HACD1: variants seen among roughly 807,000 people sequenced by gnomAD.
The protein encoded by HACD1 is very-long-chain (3R)-3-hydroxyacyl-CoA dehydratase 1.
Under a neutral mutation model 32.0 loss-of-function variants are expected in HACD1, and 41 were observed. That is an observed-to-expected ratio of 1.28 (90% CI 1.00 to 1.66). The LOEUF is 1.66. HACD1 is among the 40% of genes most tolerant of loss of function. HACD1 has a pLI of 0.00. For synonymous variants in HACD1, 142 were observed against 139.0 expected (o/e 1.02, Z -0.15); for missense variants, 396 against 380.1 (o/e 1.04, Z -0.35).
At chr10:17,610,373 G>A (rs2131520212) in intron 1 of HACD1, among the ~76,000 whole-genome samples, 1 of 152,296 alleles carries the variant, frequency 6.6e-6, no homozygotes, top group South Asian at 2.1e-4. Flanking sequence ...TTTAGGCCAG[G>A]CGCAGTGGCT....
chr10:17,614,571 T>C (rs1395457008), intron 1 of HACD1, among the ~76,000 whole-genome samples: 1 of 151,436 alleles, frequency 6.6e-6, no homozygotes. Context: ...TCAAATTAGC[T>C]GAGGATGGTG....
At chr10:17,594,469 A>G (rs1833969208) in intron 5 of HACD1, 86 bp from the exon 6 acceptor site, 3 of 1,039,064 alleles carry the variant, frequency 2.9e-6, no homozygotes, top group Non-Finnish European at 3.9e-6. Context: ...TACTAAATTT[A>G]AACTTCAAAA....
At chr10:17,616,526 C>A (rs991649246) in intron 1 of HACD1, among the ~76,000 whole-genome samples, 10 of 151,840 alleles carry the variant, frequency 6.6e-5, no homozygotes, top group Admixed American at 3.9e-4. Context: ...CAAGGTCCAG[C>A]TTATCAGCCA....
chr10:17,605,039 G>T (rs1340955002), intron 1 of HACD1, among the ~76,000 whole-genome samples: 2 of 152,022 alleles, frequency 1.3e-5, no homozygotes, highest in African/African-American at 4.8e-5. Flanking sequence ...GTATACACAG[G>T]GTAGTCAAAT....
chr10:17,590,423 T>C lies in HACD1; in HGVS notation c.808A>G (p.Met270Val), dbSNP rs1554815474. Residue 270 changes from methionine to valine, a missense_variant, in exon 7 of 7, where the codon ATG becomes GTG. Coordinates refer to ENST00000361271, the MANE Select transcript of HACD1 (RefSeq NM_014241.4). ...IPLFPQLYFH[M>V]LRQRRKVLHG... ...AGCACCTTTCTTCTTTGACGTAACA[T>C]ATGAAAATAGAGTTGTGGAAACACT... 6 of 1,597,930 alleles carry C rather than the reference T, an allele frequency of 3.8e-6. No individual in the cohort carries two copies. Among genetic ancestry groups the C allele is most frequent in the South Asian group, 1.1e-5 (1 of 89,268 alleles).
At chr10:17,604,634 GT>G (rs1321291695) in intron 1 of HACD1, among the ~76,000 whole-genome samples, 1 of 151,664 alleles carries the variant, frequency 6.6e-6, no homozygotes, top group Non-Finnish European at 1.5e-5. Context: ...GACTAATACT[GT>G]ATGATCATTT....
intron 2 of HACD1, 27 bp downstream of exon 2, chr10:17,603,903 A>G (rs781966511): frequency 6.5e-7 from 1 of 1,545,306 alleles, no homozygotes; most frequent in Non-Finnish European, 8.9e-7. Context: ...TTACAGCAAT[A>G]GAAAAACAGC....
chr10:17,604,974 G>A (rs1166437265), intron 1 of HACD1, among the ~76,000 whole-genome samples: 1 of 152,122 alleles, frequency 6.6e-6, no homozygotes, highest in African/African-American at 2.4e-5. Context: ...CCAAAGTGCT[G>A]GGATTACATG....
At position 17,589,657 on chromosome 10, in the gene HACD1, C is replaced by T. The variant is rs886244041; in HGVS notation, c.*707G>A. ...AGTGGGGCAAATACTTATGCTCTTC[C>T]TAACCCCTTAAAACCTTCACAGTTG... On this transcript the variant is annotated 3_prime_UTR_variant, in exon 7 of 7. Coordinates refer to ENST00000361271, the MANE Select transcript of HACD1 (RefSeq NM_014241.4). 4 of 152,078 alleles carry T rather than the reference C, an allele frequency of 2.6e-5. No homozygotes were observed. The highest frequency in any genetic ancestry group is 9.7e-5 in the African/African-American group (4 of 41,404). 9.4% of individuals were successfully genotyped at this position (152,078 alleles called of 1,614,324 possible). A position where few individuals can be genotyped will look rare whatever the true frequency, so the allele number is the denominator to read the frequency against.
rs559762401 is a variant in HACD1, at chr10:17,604,009, A to G, written c.296T>C (p.Met99Thr). Residue 99 changes from methionine to threonine, a missense_variant, in exon 2 of 7, where the codon ATG becomes ACG. Coordinates refer to ENST00000361271, the MANE Select transcript of HACD1 (RefSeq NM_014241.4). ...VLAIAMVRFY[M>T]EKGTHRGLYK... ...TAAACCTCTGTGTGTTCCTTTTTCC[A>G]TATAAAAACGTACCATGGCAATAGC... is the stretch of plus-strand genomic sequence containing the variant. 3.1e-6 allele frequency: 5 copies of G among 1,600,046 alleles called. No homozygotes were observed. The highest frequency in any genetic ancestry group is 2.3e-5 in the South Asian group (2 of 87,088).
At chr10:17,603,354 C>T in intron 4 of HACD1, 1 of 493,642 alleles carries the variant, frequency 2.0e-6, no homozygotes, top group Non-Finnish European at 3.6e-6. Context: ...TATTACGGAT[C>T]TAAGATGCCA....
At chr10:17,593,192 T>A (rs1833950933) in intron 6 of HACD1, among the ~76,000 whole-genome samples, 1 of 152,072 alleles carries the variant, frequency 6.6e-6, no homozygotes. Context: ...AAAAAAAAGT[T>A]GGAGACCTCA....
chr10:17,590,242 G>A lies in HACD1; in HGVS notation c.*122C>T. 1.2e-5 allele frequency: 8 copies of A among 674,550 alleles called. No individual in the cohort carries two copies. The highest frequency in any genetic ancestry group is 1.7e-5 in the Non-Finnish European group (7 of 410,716). The allele number at this position is 674,550 out of a possible 1,614,324, so 41.8% of individuals were successfully genotyped here. ...TACTGGCAAATACCACGTGTCTCAA[G>A]TTATATTTTAAGAAACCATACAATC... On this transcript the variant is annotated 3_prime_UTR_variant, in exon 7 of 7. Transcript: ENST00000361271.
chr10:17,613,142 G>GTTT (rs782364702), intron 1 of HACD1, among the ~76,000 whole-genome samples: 17 of 96,588 alleles, frequency 1.8e-4, no homozygotes, highest in African/African-American at 5.4e-4. Flanking sequence ...GTGTGTGTGT[G>GTTT]TGTGTTTTGT....
At chr10:17,607,770 A>G (rs1295330900) in intron 1 of HACD1, among the ~76,000 whole-genome samples, 1 of 152,182 alleles carries the variant, frequency 6.6e-6, no homozygotes, top group Non-Finnish European at 1.5e-5. Context: ...TGACAGGCTC[A>G]GGGATTTGAA....
chr10:17,593,126 C>T (rs1366706240), intron 6 of HACD1, among the ~76,000 whole-genome samples: 7 of 151,886 alleles, frequency 4.6e-5, no homozygotes, highest in Non-Finnish European at 8.8e-5. Flanking sequence ...GCTGAGATGG[C>T]GCCACTGCAC....
chr10:17,589,548 C>T lies in HACD1; in HGVS notation c.*816G>A, dbSNP rs1444062567. 1.3e-5 allele frequency: 2 copies of T among 152,144 alleles called. No homozygotes were observed. The highest frequency in any genetic ancestry group is 4.8e-5 in the African/African-American group (2 of 41,422). 9.4% of individuals were successfully genotyped at this position (152,144 alleles called of 1,614,324 possible). A position where few individuals can be genotyped will look rare whatever the true frequency, so the allele number is the denominator to read the frequency against. On this transcript the variant is annotated 3_prime_UTR_variant, in exon 7 of 7. Coordinates refer to ENST00000361271, the MANE Select transcript of HACD1 (RefSeq NM_014241.4). ...CAAACGATCCTCCTGCCTCAGTCTT[C>T]CAAAGTGCTGGGATTACAGGCATGA...
chr10:17,605,698 A>T (rs1322185702), intron 1 of HACD1, among the ~76,000 whole-genome samples: 1 of 151,792 alleles, frequency 6.6e-6, no homozygotes, highest in African/African-American at 2.4e-5. Flanking sequence ...TCACCCCTGT[A>T]ATCCCAACAC....
intron 5 of HACD1, among the ~76,000 whole-genome samples, chr10:17,594,782 C>T (rs1554815868): frequency 1.3e-5 from 2 of 152,092 alleles, no homozygotes; most frequent in African/African-American, 2.4e-5. Context: ...AGTAATTCTC[C>T]TGCCTCAGCC....
Sources: allele counts gnomAD v4.1 joint callset (sites outside exome capture counted in the v4.1 genomes callset), GRCh38; gene constraint gnomAD v4.1.1; transcripts MANE v1.5; gene names NCBI Gene and HGNC (gene_info 2026-07-23, HGNC 2026-07-21).